Variants in PKD1 observed in about 807,000 individuals in gnomAD.
PKD1 encodes the protein polycystin-1.
A neutral mutation model predicts 361.7 loss-of-function variants in PKD1; 81 were observed. The ratio of observed to expected loss-of-function variants is 0.22; its 90% CI spans 0.19 to 0.27. The LOEUF (loss-of-function observed/expected upper bound fraction) is 0.27, where lower values mean the gene tolerates loss of function less well. PKD1 is among the 10% of genes least tolerant of loss of function. PKD1 has a pLI of 1.00. For missense variants in PKD1, 6,399 were observed against 6,118.3 expected (o/e 1.05, Z -1.53); for synonymous variants, 3,615 against 2,818.3 (o/e 1.28, Z -8.95).
chr16:2,108,271 G>A lies in PKD1; in HGVS notation c.6896C>T (p.Ala2299Val). Residue 2299 changes from alanine (A) to valine (V), a missense_variant, in exon 15 of 46, where the codon GCC becomes GTC. Ala to Val is a moderately conservative substitution (Grantham distance 64). Transcript: ENST00000262304. ...ACTGACCTGTGTCGAAGCCACACAG[G>A]CCCAGTGGAAACTGAGCGGCGTCTG... The part of the protein sequence containing the change: ...GDQTPLSFHW[A>V]CVASTQREAG... The A allele has an allele frequency of 1.2e-6, 2 of 1,601,538 alleles. No individual in the cohort carries two copies. The highest frequency in any genetic ancestry group is 1.7e-6 in the Non-Finnish European group (2 of 1,173,120).
chr16:2,126,008 G>C (rs1029198225), intron 1 of PKD1, among the ~76,000 whole-genome samples: 3 of 152,076 alleles, frequency 2.0e-5, no homozygotes, highest in Non-Finnish European at 2.9e-5. Flanking sequence ...GGATGGTGGG[G>C]GGGGGGGCAA....
chr16:2,108,735 C>T lies in PKD1; in HGVS notation c.6432G>A (p.Leu2144=). The T allele has an allele frequency of 6.4e-7, 1 of 1,573,080 alleles. No individual in the cohort carries two copies. ...VAQATVTVQV[L]ACREPEVDVV... ...CGTCCACCTCCGGCTCCCGGCAGGC[C>T]AGCACCTGGACGGTCACCGTGGCCT... Residue 2144 remains leucine (L), a synonymous_variant, in exon 15 of 46, where the codon CTG becomes CTA. Coordinates refer to ENST00000262304, the MANE Select transcript of PKD1 (RefSeq NM_001009944.3).
At position 2,104,611 on chromosome 16, in the gene PKD1, C is replaced by T. The variant is rs773445757; in HGVS notation, c.8048G>A (p.Cys2683Tyr). 3 of 1,589,326 alleles carry T rather than the reference C, an allele frequency of 1.9e-6. No individual in the cohort carries two copies. Among genetic ancestry groups the T allele is most frequent in the Non-Finnish European group, 2.6e-6 (3 of 1,168,544 alleles). Residue 2683 changes from cysteine to tyrosine, a missense_variant, in exon 22 of 46, where the codon TGC (cysteine) becomes TAC (tyrosine). Cys to Tyr is a radical substitution (Grantham distance 194). Transcript: ENST00000262304. ...CAGCTTGTGCAGCGTCTGCTTCAGG[C>T]ACGAGCGGCATACGAGCTCCCTGCT... ...GPSRELVCRS[C>Y]LKQTLHKLEA... is the part of the protein sequence containing the mutation.
chr16:2,118,588 G>A lies in PKD1; in HGVS notation c.529+88C>T. On this transcript the variant is annotated intron_variant, in intron 4 of 45. Coordinates refer to ENST00000262304, the MANE Select transcript of PKD1 (RefSeq NM_001009944.3). The surrounding 1 kb of genome is among the most constrained non-coding windows in gnomAD (Gnocchi z 6.0). ...TTGGCCCGGAGGCCCCCCCCAGAGA[G>A]GCCTTCCTGAGCCCTGCCCAGTGTC... 2 of 752,452 alleles carry A rather than the reference G, an allele frequency of 2.7e-6. No individual in the cohort carries two copies. Among genetic ancestry groups the A allele is most frequent in the Middle Eastern group, 3.5e-4 (1 of 2,836 alleles). The allele number at this position is 752,452 out of a possible 1,614,324, so 46.6% of individuals were successfully genotyped here. A position where few individuals can be genotyped will look rare whatever the true frequency, so the allele number is the denominator to read the frequency against.
chr16:2,100,504 G>A lies in PKD1; in HGVS notation c.9460C>T (p.Leu3154=), dbSNP rs1338292894. 4 of 1,610,430 alleles carry A rather than the reference G, an allele frequency of 2.5e-6. No homozygotes were observed. Among genetic ancestry groups the A allele is most frequent in the Non-Finnish European group, 3.4e-6 (4 of 1,179,526 alleles). ...GVDSRSGHRH[L]DGDRAFHRNS... Reference sequence around the variant, plus strand: ...CGGTGGAAGGCTCTGTCGCCGTCCAGGTGCCGGTGGCCGCTCCGGCTGTCC... The same window carrying A: ...CGGTGGAAGGCTCTGTCGCCGTCCAAGTGCCGGTGGCCGCTCCGGCTGTCC... Residue 3154 remains leucine, a synonymous_variant, in exon 27 of 46, where the codon CTG becomes TTG. Transcript: ENST00000262304. The surrounding 1 kb of genome is among the most constrained non-coding windows in gnomAD (Gnocchi z 4.4).
In PKD1 at chr16:2,109,420, G is replaced by C. The variant is rs1197107022; in HGVS notation, c.5747C>G (p.Ala1916Gly). The part of the protein sequence containing the change: ...HFQILLAAGS[A>G]VTFRLQVGGA... ...GCCGACCTGCAGGCGGAAGGTGACAGCTGAGCCGGCAGCCAGCAGGATCTG... is the reference window on the plus strand; with the variant it reads ...GCCGACCTGCAGGCGGAAGGTGACACCTGAGCCGGCAGCCAGCAGGATCTG... The change falls in exon 15 of 46, where the codon GCT becomes GGT. Residue 1916 changes from alanine (A) to glycine (G), a missense_variant. Coordinates refer to ENST00000262304, the MANE Select transcript of PKD1 (RefSeq NM_001009944.3). 1.9e-6 allele frequency: 3 copies of C among 1,602,664 alleles called. No individual in the cohort carries two copies. In the African/African-American group the frequency reaches 4.0e-5, roughly 21 times the overall value.
At position 2,091,774 on chromosome 16, in the gene PKD1, C is replaced by T. The variant is rs969094441; in HGVS notation, c.11537+7G>A. The T allele has an allele frequency of 2.4e-5, 38 of 1,609,858 alleles. 1 individual carries two copies. The highest frequency in any genetic ancestry group is 1.2e-4 in the South Asian group (11 of 90,730). On this transcript the variant is annotated splice_region_variant and intron_variant, in intron 41 of 45. Coordinates refer to ENST00000262304, the MANE Select transcript of PKD1 (RefSeq NM_001009944.3). ...ACCCCGGAGAGGGCAGGGGAGGGAG[C>T]TCCCACCTGTTGTCCAGCCAGTTGT...
Position 2,109,183 on chromosome 16 carries a change from C to A in PKD1, c.5984G>T (p.Arg1995Leu). 1.3e-6 allele frequency: 2 copies of A among 1,598,642 alleles called. No individual in the cohort carries two copies. The highest frequency in any genetic ancestry group is 1.7e-6 in the Non-Finnish European group (2 of 1,171,800). ...ATGTERNFTA[R>L]VQRGSRVAYA... ...GGCGACCCGAGAGCCGCGCTGCACG[C>A]GGGCTGTGAAGTTCCTCTCAGTGCC... Residue 1995 changes from arginine to leucine, a missense_variant, in exon 15 of 46, where the codon CGC (arginine) becomes CTC (leucine). Coordinates refer to ENST00000262304, the MANE Select transcript of PKD1 (RefSeq NM_001009944.3).
chr16:2,094,096 C>T lies in PKD1; in HGVS notation c.10614G>A (p.Arg3538=), dbSNP rs1186829864. 1.3e-6 allele frequency: 2 copies of T among 1,590,942 alleles called. No homozygotes were observed. Among genetic ancestry groups the T allele is most frequent in the South Asian group, 1.1e-5 (1 of 88,330 alleles). Residue 3538 remains arginine (R), a synonymous_variant, in exon 35 of 46, where the codon AGG becomes AGA. Coordinates refer to ENST00000262304, the MANE Select transcript of PKD1 (RefSeq NM_001009944.3). ...CCCGGGGCTACGCAAGCACACCTGT[C>T]CTGGACAGCCTCGCTGCCTGGGGCT... ...WEQPQAARLS[R]TGLVEGLRKR...
chr16:2,113,813 C>T (rs1451777819), intron 11 of PKD1: 1 of 417,516 alleles, frequency 2.4e-6, no homozygotes, highest in Non-Finnish European at 4.5e-6. Flanking sequence ...CGCAGTTTCC[C>T]ATCAGGGGTT....
At position 2,104,477 on chromosome 16, in the gene PKD1, A is replaced by G. The variant is rs4786209; in HGVS notation, c.8161+21T>C. 0.62 allele frequency: 893,692 copies of G among 1,441,120 alleles called. 281,479 individuals are homozygous for G. The highest frequency in any genetic ancestry group is 0.68 in the African/African-American group (40,479 of 59,554). 89.3% of individuals were successfully genotyped at this position (1,441,120 alleles called of 1,614,324 possible). On this transcript the variant is annotated intron_variant, in intron 22 of 45. Coordinates refer to ENST00000262304, the MANE Select transcript of PKD1 (RefSeq NM_001009944.3). ...GGGCCGCACGGGGCGGGCGGGTGGC[A>G]TGGGGCACGGGCCGCGGCACCTGTG...
chr16:2,104,760 T>C (rs1047191536), intron 21 of PKD1, 118 bp from the exon 22 acceptor site: 14 of 777,910 alleles, frequency 1.8e-5, no homozygotes, highest in African/African-American at 3.7e-5. Flanking sequence ...GAGAGCCCAC[T>C]TGACTGGACC....
rs936897630 is a variant in PKD1, at chr16:2,112,403, G to A, written c.3232C>T (p.Pro1078Ser). 3.2e-6 allele frequency: 5 copies of A among 1,586,714 alleles called. No homozygotes were observed. The Admixed American group carries it at 5.0e-5, about 16-fold the overall frequency. The stretch of plus-strand genomic sequence containing the variant: ...AGCACCTGGGCCACCGAGGGGTCTG[G>A]AACCGGGAAGGACTCGTTGTACGGA... ...QPPYNESFPVPDPSVAQVLVE... is the reference protein window; with the variant it reads ...QPPYNESFPVSDPSVAQVLVE... Residue 1078 changes from proline to serine, a missense_variant, in exon 14 of 46, where the codon CCA (proline) becomes TCA (serine). Coordinates refer to ENST00000262304, the MANE Select transcript of PKD1 (RefSeq NM_001009944.3).
At position 2,105,660 on chromosome 16, in the gene PKD1, G is replaced by C. The variant is rs553012094; in HGVS notation, c.7864-186C>G. The C allele has an allele frequency of 5.6e-5, 81 of 1,439,758 alleles. No individual in the cohort carries two copies. In the African/African-American group the frequency reaches 1.0e-3, roughly 18 times the overall value. The allele number at this position is 1,439,758 out of a possible 1,614,324, so 89.2% of individuals were successfully genotyped here. A position where few individuals can be genotyped will look rare whatever the true frequency, so the allele number is the denominator to read the frequency against. ...TAAGCACATGGGCCCTCCTGGGCGG[G>C]GGCTGCATTGTGGAAAGCAGACGCC... On this transcript the variant is annotated intron_variant, in intron 20 of 45. Transcript: ENST00000262304.
At position 2,114,151 on chromosome 16, in the gene PKD1, G is replaced by C. The variant is rs375179556; in HGVS notation, c.2853+19C>G. The stretch of plus-strand genomic sequence containing the variant: ...GGCACCTGCCTGGGGGCTGGTGGTG[G>C]AGCCTCGGCCATACTCACCACTAGG... On this transcript the variant is annotated intron_variant, in intron 11 of 45. Transcript: ENST00000262304. The C allele has an allele frequency of 1.3e-6, 2 of 1,599,022 alleles. No individual in the cohort carries two copies. Among genetic ancestry groups the C allele is most frequent in the Non-Finnish European group, 1.7e-6 (2 of 1,177,664 alleles).
chr16:2,090,896 C>G lies in PKD1; in HGVS notation c.11991G>C (p.Leu3997=). 1.9e-6 allele frequency: 3 copies of G among 1,600,472 alleles called. No homozygotes were observed. The highest frequency in any genetic ancestry group is 2.5e-6 in the Non-Finnish European group (3 of 1,178,684). The change falls in exon 43 of 46, where the codon CTG becomes CTC. Residue 3997 remains leucine, a synonymous_variant. Coordinates refer to ENST00000262304, the MANE Select transcript of PKD1 (RefSeq NM_001009944.3). ...ARGLAASLLF[L]LLVKAAQQLR... Reference sequence around the variant, plus strand: ...GCCCAGCCCTCACCTTGACCAAAAGCAGGAAGAGCAGCGAGGCCGCCAGGC... The same window carrying G: ...GCCCAGCCCTCACCTTGACCAAAAGGAGGAAGAGCAGCGAGGCCGCCAGGC...
intron 37 of PKD1, 33 bp from the exon 38 acceptor site, chr16:2,093,126 G>A: frequency 1.9e-6 from 3 of 1,610,964 alleles, no homozygotes; most frequent in Non-Finnish European, 2.5e-6. Context: ...GGTCAGCCTG[G>A]CCCCAGCCCA....
rs561473410 is a variant in PKD1 at position 2,109,624 on chromosome 16, C to T, written c.5543G>A (p.Arg1848His). The change falls in exon 15 of 46, where the codon CGT becomes CAT. Residue 1848 changes from arginine to histidine, a missense_variant. Physicochemically the swap from Arg to His is conservative, Grantham distance 29. Transcript: ENST00000262304. Reference protein sequence around the residue: ...CWAVPGGSSKRGPHVTMVFPD... With the variant: ...CWAVPGGSSKHGPHVTMVFPD... ...GAAGACCATGGTGACATGAGGGCCA[C>T]GCTTGCTGCTGCCGCCGGGCACAGC... 16 of 1,607,354 alleles carry T rather than the reference C, an allele frequency of 1.0e-5. No individual in the cohort carries two copies. The highest frequency in any genetic ancestry group is 3.6e-4 in the Middle Eastern group (2 of 5,580).
At position 2,097,781 on chromosome 16, in the gene PKD1, C is replaced by G; in HGVS notation, c.10168-1G>C. The G allele has an allele frequency of 6.2e-7, 1 of 1,611,454 alleles. No individual in the cohort carries two copies. Among genetic ancestry groups the G allele is most frequent in the South Asian group, 1.1e-5 (1 of 90,992 alleles). ...TCTTCATCTGTCCAACAAAGGCCTGCTGAGAGGTGCACAGTGTCTTGAGTC... is the reference window on the plus strand; with the variant it reads ...TCTTCATCTGTCCAACAAAGGCCTGGTGAGAGGTGCACAGTGTCTTGAGTC... On this transcript the variant is annotated splice_acceptor_variant, in intron 31 of 45. Coordinates refer to ENST00000262304, the MANE Select transcript of PKD1 (RefSeq NM_001009944.3). LOFTEE classifies it high-confidence loss of function.
Sources: allele counts gnomAD v4.1 joint callset (sites outside exome capture counted in the v4.1 genomes callset), GRCh38; gene constraint gnomAD v4.1.1; non-coding constraint Gnocchi (gnomAD v3.1); transcripts MANE v1.5; gene names NCBI Gene and HGNC (gene_info 2026-07-23, HGNC 2026-07-21).